DTHD1: variants seen among roughly 807,000 people sequenced by gnomAD.
The protein encoded by DTHD1 is death domain containing 1.
A neutral mutation model predicts 74.8 loss-of-function variants in DTHD1; 59 were observed. The ratio of observed to expected loss-of-function variants is 0.79; its 90% CI spans 0.64 to 0.98. The LOEUF is 0.98. DTHD1 is among the 50% of genes least tolerant of loss of function. The pLI, the probability that DTHD1 is intolerant of heterozygous loss-of-function variation, is 0.00. For missense variants in DTHD1, 1,051 were observed against 1,065.4 expected, an observed-to-expected ratio of 0.99 and a Z score of 0.19; for synonymous variants, 365 against 371.1, an observed-to-expected ratio of 0.98 and a Z score of 0.19.
At chr4:36,305,090 G>T (rs572980772) in intron 5 of DTHD1, among the ~76,000 whole-genome samples, 1 of 152,176 alleles carries the variant, frequency 6.6e-6, no homozygotes, top group East Asian at 1.9e-4. Context: ...GGCTACACAA[G>T]AAGGAAAATT....
chr4:36,347,269 T>C lies in DTHD1; in HGVS notation c.*3445T>C, dbSNP rs532935764. ...TTGGTTAAAATGAAATTTTGCAGTA[T>C]ATATTCTTTTATGTTTGACTTTTTA... On this transcript the variant is annotated 3_prime_UTR_variant, in exon 10 of 10. Transcript: ENST00000639862. Among the ~76,000 whole-genome samples, 1 of 152,358 alleles carries C rather than the reference T, an allele frequency of 6.6e-6. No individual in the cohort carries two copies. The highest frequency in any genetic ancestry group is 2.1e-4 in the South Asian group (1 of 4,834).
In DTHD1 at chr4:36,281,656, A is replaced by G. The variant is rs1008131045; in HGVS notation, c.-103A>G. 1.7e-4 allele frequency: 209 copies of G among 1,232,490 alleles called. No homozygotes were observed. The highest frequency in any genetic ancestry group is 1.9e-4 in the Non-Finnish European group (189 of 987,644). 76.3% of individuals were successfully genotyped at this position (1,232,490 alleles called of 1,614,324 possible). On this transcript the variant is annotated 5_prime_UTR_variant, in exon 1 of 10. Transcript: ENST00000639862. ...GAAAGTGCTGGGCTAGCTGACTCGGATCATCTCCTAGAGTTTAGGAGAAAT... is the reference window on the plus strand; with the variant it reads ...GAAAGTGCTGGGCTAGCTGACTCGGGTCATCTCCTAGAGTTTAGGAGAAAT...
chr4:36,298,736 A>T (rs1756587581), intron 5 of DTHD1, among the ~76,000 whole-genome samples: 5 of 152,218 alleles, frequency 3.3e-5, no homozygotes. Flanking sequence ...TTTAATTATG[A>T]GCCAGAAAAG....
At chr4:36,290,788 A>T in intron 3 of DTHD1, 85 bp downstream of exon 3, 1 of 1,089,166 alleles carries the variant, frequency 9.2e-7, no homozygotes, top group Middle Eastern at 3.0e-4. Context: ...TAGTGTAGAT[A>T]TAATTGCTCC....
intron 8 of DTHD1, 117 bp downstream of exon 8, chr4:36,316,603 G>A: frequency 3.6e-6 from 4 of 1,102,210 alleles, no homozygotes; most frequent in Non-Finnish European, 5.0e-6. Context: ...AAGAATAGAG[G>A]TAATAAAGAA....
intron 8 of DTHD1, among the ~76,000 whole-genome samples, chr4:36,335,308 CT>C (rs1210181372): frequency 6.6e-6 from 1 of 152,138 alleles, no homozygotes; most frequent in Non-Finnish European, 1.5e-5. Flanking sequence ...AATGCAACCT[CT>C]GCCTCCCAGG....
At chr4:36,316,147 G>C in intron 7 of DTHD1, 95 bp from the exon 8 acceptor site, 2 of 1,161,942 alleles carry the variant, frequency 1.7e-6, no homozygotes, top group Non-Finnish European at 2.4e-6. Context: ...ATGTTAGCCA[G>C]GATGGTCTCG....
At chr4:36,299,926 T>C (rs1398734087) in intron 5 of DTHD1, among the ~76,000 whole-genome samples, 1 of 152,098 alleles carries the variant, frequency 6.6e-6, no homozygotes, top group Non-Finnish European at 1.5e-5. Context: ...GCTGAGATCA[T>C]GCCACTACAC....
Sources: allele counts gnomAD v4.1 joint callset (sites outside exome capture counted in the v4.1 genomes callset), GRCh38; gene constraint gnomAD v4.1.1; transcripts MANE v1.5; gene names NCBI Gene and HGNC (gene_info 2026-07-23, HGNC 2026-07-21).